The following COL24A1 variants were observed in gnomAD, a reference collection of about 807,000 sequenced individuals.
The protein encoded by COL24A1 is collagen type XXIV alpha 1 chain.
Under a neutral mutation model 253.9 loss-of-function variants are expected in COL24A1, and 224 were observed. The ratio of observed to expected loss-of-function variants is 0.88; its 90% CI spans 0.79 to 0.99. COL24A1 has a LOEUF of 0.99. COL24A1 is among the 50% of genes least tolerant of loss of function. The pLI, the probability that COL24A1 is intolerant of heterozygous loss-of-function variation, is 0.00. For missense variants in COL24A1, 2,131 were observed against 2,068.5 expected, an observed-to-expected ratio of 1.03 and a Z score of -0.59; for synonymous variants, 685 against 673.7, an observed-to-expected ratio of 1.02 and a Z score of -0.26.
chr1:85,915,455 C>T (rs942472559), intron 24 of COL24A1, among the ~76,000 whole-genome samples: 1 of 152,094 alleles, frequency 6.6e-6, no homozygotes, highest in African/African-American at 2.4e-5. Context: ...TTTAGCCCCC[C>T]ACAATCATGT....
Position 86,062,730 on chromosome 1 carries a change from CAT to C in COL24A1, c.1752+983_1752+984del, listed in dbSNP as rs1345939933. 3.9e-5 allele frequency among the ~76,000 whole-genome samples: 6 copies of C among 152,090 alleles called. 1 individual carries two copies. The highest frequency in any genetic ancestry group is 1.4e-4 in the African/African-American group (6 of 41,436). On this transcript the variant is annotated intron_variant, in intron 8 of 59. Transcript: ENST00000370571. ...ATAAATGCTCAAATGCTTTTCAGTA[CAT>C]GTTTGATTTGCAGGAAACTGATATT...
intron 20 of COL24A1, among the ~76,000 whole-genome samples, chr1:85,972,718 T>C (rs1305582995): frequency 6.6e-6 from 1 of 152,196 alleles, no homozygotes; most frequent in Non-Finnish European, 1.5e-5. Flanking sequence ...TCAGTCAGTA[T>C]ATTGTGCATC....
intron 23 of COL24A1, among the ~76,000 whole-genome samples, chr1:85,963,870 G>A (rs1437107495): frequency 6.6e-6 from 1 of 152,150 alleles, no homozygotes; most frequent in East Asian, 1.9e-4. Flanking sequence ...GTCTAGTAAA[G>A]GAGAATTGTT....
chr1:85,968,223 C>T (rs1691765665), intron 22 of COL24A1, among the ~76,000 whole-genome samples: 1 of 152,110 alleles, frequency 6.6e-6, no homozygotes, highest in Non-Finnish European at 1.5e-5. Flanking sequence ...TTATATATAT[C>T]CTATTAGTTC....
At chr1:85,865,584 T>C (rs991346215) in intron 37 of COL24A1, among the ~76,000 whole-genome samples, 1 of 152,218 alleles carries the variant, frequency 6.6e-6, no homozygotes, top group African/African-American at 2.4e-5. Flanking sequence ...TCATACTGTA[T>C]CATTCCTCTT....
rs145524047 is a variant in COL24A1 at position 85,772,524 on chromosome 1, G to A, written c.4374+3150C>T. 6.2e-3 allele frequency among the ~76,000 whole-genome samples: 933 copies of A among 151,418 alleles called. 3 individuals carry two copies. Among genetic ancestry groups the A allele is most frequent in the Non-Finnish European group, 8.4e-3 (570 of 67,838 alleles). ...CATGCACACGTATGTTTATTGCGGCGTTATTCACAATAGCCTGACTTTTTA... is the reference window on the plus strand; with the variant it reads ...CATGCACACGTATGTTTATTGCGGCATTATTCACAATAGCCTGACTTTTTA... On this transcript the variant is annotated intron_variant, in intron 53 of 59. Transcript: ENST00000370571.
intron 7 of COL24A1, among the ~76,000 whole-genome samples, chr1:86,071,576 G>A (rs7548696): frequency 1.3e-5 from 2 of 151,770 alleles, no homozygotes; most frequent in South Asian, 2.1e-4. Context: ...CAATGGAAAC[G>A]AAAAAAGAGC....
chr1:85,894,412 G>C (rs1392218721), intron 31 of COL24A1, among the ~76,000 whole-genome samples: 2 of 152,058 alleles, frequency 1.3e-5, no homozygotes, highest in East Asian at 1.9e-4. Context: ...TGTTTATACA[G>C]GCATACATTG....
chr1:85,964,074 T>C (rs757631071), intron 23 of COL24A1, among the ~76,000 whole-genome samples: 2 of 152,272 alleles, frequency 1.3e-5, no homozygotes, highest in Admixed American at 1.3e-4. Context: ...TGAAAAGTGT[T>C]GTTTAGCTTT....
At chr1:85,888,151 G>A (rs2102725528) in intron 32 of COL24A1, among the ~76,000 whole-genome samples, 1 of 151,698 alleles carries the variant, frequency 6.6e-6, no homozygotes. Flanking sequence ...ATCTCCTTTT[G>A]AATTAGTCTG....
intron 32 of COL24A1, among the ~76,000 whole-genome samples, chr1:85,888,550 G>A (rs982709932): frequency 7.2e-5 from 11 of 152,108 alleles, no homozygotes; most frequent in Admixed American, 6.5e-4. Flanking sequence ...AGTAAATAAT[G>A]CTAAAGAGAG....
At chr1:85,869,802 C>T (rs1402803409) in intron 35 of COL24A1, among the ~76,000 whole-genome samples, 1 of 152,080 alleles carries the variant, frequency 6.6e-6, no homozygotes, top group African/African-American at 2.4e-5. Flanking sequence ...ATGAGCAAAA[C>T]AACCAGCTAA....
chr1:86,067,542 A>C (rs895536085), intron 7 of COL24A1, among the ~76,000 whole-genome samples: 32 of 152,332 alleles, frequency 2.1e-4, no homozygotes, highest in African/African-American at 7.5e-4. Context: ...GAATTTAAGA[A>C]TCACTTAGGT....
At chr1:85,990,343 T>A (rs1271302797) in intron 19 of COL24A1, among the ~76,000 whole-genome samples, 1 of 152,224 alleles carries the variant, frequency 6.6e-6, no homozygotes, top group African/African-American at 2.4e-5. Flanking sequence ...TTCCATAAGA[T>A]TGCGGCATGG....
chr1:85,831,130 C>T (rs957546201), intron 43 of COL24A1, among the ~76,000 whole-genome samples: 6 of 152,002 alleles, frequency 3.9e-5, no homozygotes, highest in Non-Finnish European at 7.4e-5. Flanking sequence ...ACCACACTAA[C>T]GGAAAAACCA....
chr1:86,033,740 T>C (rs1442211334), intron 13 of COL24A1, 130 bp downstream of exon 13: 2 of 753,780 alleles, frequency 2.7e-6, no homozygotes, highest in Admixed American at 3.7e-5. Context: ...AACTGGAATG[T>C]GCACAGTGGT....
intron 43 of COL24A1, among the ~76,000 whole-genome samples, chr1:85,832,181 G>C (rs1385480569): frequency 6.6e-6 from 1 of 152,008 alleles, no homozygotes; most frequent in Non-Finnish European, 1.5e-5. Flanking sequence ...TATTAAATAG[G>C]GAATCCTTTC....
At chr1:85,905,401 G>A (rs574900628) in intron 28 of COL24A1, among the ~76,000 whole-genome samples, 128 of 152,180 alleles carry the variant, frequency 8.4e-4, no homozygotes, top group African/African-American at 3.0e-3. Flanking sequence ...GAATATATCA[G>A]TGGCTACCAG....
chr1:86,075,448 G>A (rs1180490918), intron 7 of COL24A1, among the ~76,000 whole-genome samples: 2 of 151,998 alleles, frequency 1.3e-5, no homozygotes, highest in African/African-American at 4.8e-5. Flanking sequence ...ATTCATAGCC[G>A]AATTGTAACA....
Sources: gnomAD v4.1 joint callset for allele counts (sites outside exome capture counted in the v4.1 genomes callset) on GRCh38, gnomAD v4.1.1 for gene constraint, MANE v1.5 for transcripts, NCBI Gene and HGNC (gene_info 2026-07-23, HGNC 2026-07-21) for gene names.